The following PTCHD4 variants were observed in gnomAD, a reference collection of about 807,000 sequenced individuals.
PTCHD4 encodes the protein patched domain containing 4, also known as patched domain-containing protein 4.
In PTCHD4, 33 loss-of-function variants were observed where a neutral mutation model predicts 58.1. The observed-to-expected ratio is 0.57, with a 90% CI of 0.43 to 0.76. The LOEUF is 0.76. Ranked by LOEUF, PTCHD4 falls within the 30% of genes least tolerant of loss-of-function variation. PTCHD4 has a pLI of 0.00. For synonymous variants in PTCHD4, 478 were observed against 409.6 expected (o/e 1.17, Z -2.02); for missense variants, 1,058 against 1,027.1 (o/e 1.03, Z -0.41).
Position 48,094,462 on chromosome 6 carries a change from T to C in PTCHD4, c.-970+16587A>G, listed in dbSNP as rs372081294. On this transcript the variant is annotated intron_variant, in intron 1 of 4. Coordinates refer to ENST00000339488, the MANE Select transcript of PTCHD4 (RefSeq NM_001384253.1). ...TAAAATGAAGAAACATTGAGATCAA[T>C]TAGAAAATAAGGAAGTCTGCAAAGG... 7.2e-5 allele frequency among the ~76,000 whole-genome samples: 11 copies of C among 152,246 alleles called. No individual in the cohort carries two copies. The South Asian group carries it at 1.7e-3, about 23-fold the overall frequency.
At chr6:47,941,783 A>G (rs1026114105) in intron 4 of PTCHD4, among the ~76,000 whole-genome samples, 1 of 152,242 alleles carries the variant, frequency 6.6e-6, no homozygotes, top group Non-Finnish European at 1.5e-5. Context: ...TAAAATGCAT[A>G]GAATAGAGGC....
rs1763717737 is a variant in PTCHD4 at position 47,871,728 on chromosome 6, T to C, written c.*6575A>G. On this transcript the variant is annotated 3_prime_UTR_variant, in exon 5 of 5. Transcript: ENST00000339488. ...CAAAGATTGCATGCCATTTTGTCTTTAAATACCCTTATGAGGTAGCTTGGA... is the reference window on the plus strand; with the variant it reads ...CAAAGATTGCATGCCATTTTGTCTTCAAATACCCTTATGAGGTAGCTTGGA... Among the ~76,000 whole-genome samples the C allele has an allele frequency of 6.6e-6, 1 of 151,702 alleles. No homozygotes were observed. The highest frequency in any genetic ancestry group is 6.6e-5 in the Admixed American group (1 of 15,170).
chr6:48,058,537 T>C (rs765393882), intron 3 of PTCHD4, among the ~76,000 whole-genome samples: 10 of 151,974 alleles, frequency 6.6e-5, no homozygotes, highest in Non-Finnish European at 1.3e-4. Flanking sequence ...AATGAGAATA[T>C]TAAGAGAATG....
intron 3 of PTCHD4, among the ~76,000 whole-genome samples, chr6:48,053,935 G>A (rs1428496324): frequency 1.3e-5 from 2 of 152,098 alleles, no homozygotes; most frequent in East Asian, 3.9e-4. Flanking sequence ...TGAGTTTCAG[G>A]GAAAGCAGCA....
At chr6:48,076,373 C>T (rs1234026061) in intron 1 of PTCHD4, among the ~76,000 whole-genome samples, 1 of 152,188 alleles carries the variant, frequency 6.6e-6, no homozygotes, top group Non-Finnish European at 1.5e-5. Context: ...TGATATTTTG[C>T]CCTTCTGTCA....
chr6:47,949,022 A>G (rs1766521679), intron 4 of PTCHD4, among the ~76,000 whole-genome samples: 1 of 152,236 alleles, frequency 6.6e-6, no homozygotes, highest in Non-Finnish European at 1.5e-5. Flanking sequence ...ATGGAGACAA[A>G]TAATAAACAA....
In PTCHD4 at chr6:48,068,308, G is replaced by C; in HGVS notation, c.339C>G (p.Leu113=). Residue 113 remains leucine (L), a synonymous_variant, in exon 3 of 5, where the codon CTC becomes CTG. Coordinates refer to ENST00000339488, the MANE Select transcript of PTCHD4 (RefSeq NM_001384253.1). The surrounding 1 kb of genome is among the most constrained non-coding windows in gnomAD (Gnocchi z 4.2). ...AAATATTGTCCCCGGTTGGGGAGAGGAGGATCACCCTGCCATACCTCCCAG... is the reference window on the plus strand; with the variant it reads ...AAATATTGTCCCCGGTTGGGGAGAGCAGGATCACCCTGCCATACCTCCCAG... ...HTPGRYGRVI[L]LSPTGDNILL... 2 of 1,613,048 alleles carry C rather than the reference G, an allele frequency of 1.2e-6. No homozygotes were observed. The highest frequency in any genetic ancestry group is 1.1e-5 in the South Asian group (1 of 91,050).
At chr6:47,893,321 T>C (rs1764436827) in intron 4 of PTCHD4, among the ~76,000 whole-genome samples, 1 of 152,220 alleles carries the variant, frequency 6.6e-6, no homozygotes, top group South Asian at 2.1e-4. Flanking sequence ...TAGAGATTTT[T>C]CTAAAATGTG....
At chr6:48,021,718 A>G (rs1480179917) in intron 3 of PTCHD4, among the ~76,000 whole-genome samples, 3 of 152,118 alleles carry the variant, frequency 2.0e-5, no homozygotes, top group African/African-American at 7.2e-5. Context: ...TAGTTTGGAA[A>G]CAGTACTGTC....
chr6:47,935,323 T>C (rs974648263), intron 4 of PTCHD4, among the ~76,000 whole-genome samples: 2 of 152,220 alleles, frequency 1.3e-5, no homozygotes, highest in Non-Finnish European at 2.9e-5. Flanking sequence ...TGTGTTCTTA[T>C]GGTAGTCTCA....
chr6:47,933,236 A>T (rs969215861), intron 4 of PTCHD4, among the ~76,000 whole-genome samples: 13 of 152,222 alleles, frequency 8.5e-5, no homozygotes, highest in Non-Finnish European at 1.9e-4. Context: ...ATGGGAGGTT[A>T]TTCCCCTACT....
chr6:47,879,612 G>A lies in PTCHD4; in HGVS notation c.1223C>T (p.Ser408Phe), dbSNP rs1031996694. The A allele has an allele frequency of 6.2e-7, 1 of 1,613,604 alleles. No homozygotes were observed. Among genetic ancestry groups the A allele is most frequent in the African/African-American group, 1.3e-5 (1 of 74,888 alleles). The part of the protein sequence containing the change: ...YHSIFCCKIP[S>F]AEYLDRKPVW... ...AGGTTTGCGATCCAGGTATTCTGCA[G>A]AAGGGATCTTACAGCAAAAGATGCT... The change falls in exon 5 of 5, where the codon TCT becomes TTT. Residue 408 changes from serine to phenylalanine, a missense_variant. Coordinates refer to ENST00000339488, the MANE Select transcript of PTCHD4 (RefSeq NM_001384253.1).
At chr6:48,099,705 C>T (rs569190428) in intron 1 of PTCHD4, among the ~76,000 whole-genome samples, 1 of 152,318 alleles carries the variant, frequency 6.6e-6, no homozygotes, top group African/African-American at 2.4e-5. Context: ...TGCCTCACTG[C>T]ATGTCTGAAG....
rs1462678057 is a variant in PTCHD4, at chr6:47,965,251, C to T, written c.898+43383G>A. 2.0e-5 allele frequency among the ~76,000 whole-genome samples: 3 copies of T among 152,178 alleles called. No individual in the cohort carries two copies. In the East Asian group the frequency reaches 5.8e-4, roughly 29 times the overall value. ...GCTATTAAATTAGGTTTATTTTTAA[C>T]TGAAACTAACTAGAATATATTTAAA... On this transcript the variant is annotated intron_variant, in intron 4 of 4. Coordinates refer to ENST00000339488, the MANE Select transcript of PTCHD4 (RefSeq NM_001384253.1).
chr6:47,963,163 G>GA (rs538883792), intron 4 of PTCHD4, among the ~76,000 whole-genome samples: 2 of 151,038 alleles, frequency 1.3e-5, no homozygotes, highest in Non-Finnish European at 3.0e-5. Flanking sequence ...AAATAAAAAA[G>GA]AAAAAAAGAA....
chr6:48,107,751 T>C (rs1318144587), intron 1 of PTCHD4, among the ~76,000 whole-genome samples: 19 of 151,270 alleles, frequency 1.3e-4, no homozygotes, highest in Non-Finnish European at 1.8e-4. Flanking sequence ...AACAAATTTA[T>C]AAGAAAAAAA....
intron 3 of PTCHD4, among the ~76,000 whole-genome samples, chr6:48,034,861 C>T (rs1582054215): frequency 6.6e-6 from 1 of 152,102 alleles, no homozygotes; most frequent in Non-Finnish European, 1.5e-5. Flanking sequence ...CTAATAATAA[C>T]ATGCTGGATA....
chr6:47,994,183 A>G (rs1768387998), intron 4 of PTCHD4, among the ~76,000 whole-genome samples: 1 of 152,206 alleles, frequency 6.6e-6, no homozygotes, highest in Non-Finnish European at 1.5e-5. Flanking sequence ...GATGCAGTCC[A>G]TAGGAATCTG....
At chr6:48,037,523 T>G (rs1447961232) in intron 3 of PTCHD4, among the ~76,000 whole-genome samples, 2 of 152,180 alleles carry the variant, frequency 1.3e-5, no homozygotes, top group Non-Finnish European at 2.9e-5. Context: ...GTGTCTTTCC[T>G]TCTTTTTTAA....
Sources: gnomAD v4.1 joint callset for allele counts (sites outside exome capture counted in the v4.1 genomes callset) on GRCh38, gnomAD v4.1.1 for gene constraint, Gnocchi (gnomAD v3.1) non-coding constraint, MANE v1.5 for transcripts, NCBI Gene and HGNC (gene_info 2026-07-23, HGNC 2026-07-21) for gene names.